ZC3H12B: variants seen among roughly 807,000 people sequenced by gnomAD.
ZC3H12B encodes the protein probable ribonuclease ZC3H12B.
Under a neutral mutation model 43.9 loss-of-function variants are expected in ZC3H12B, and 7 were observed. The ratio of observed to expected loss-of-function variants is 0.16; its 90% CI spans 0.09 to 0.30. The LOEUF (loss-of-function observed/expected upper bound fraction) is 0.30. ZC3H12B is among the 10% of genes least tolerant of loss of function. ZC3H12B has a pLI of 1.00. For missense variants in ZC3H12B, 475 were observed against 670.2 expected (o/e 0.71, Z 3.22); for synonymous variants, 222 against 241.7 (o/e 0.92, Z 0.76).
chrX:65,118,716 A>G, the ZC3H12B span, among the ~76,000 whole-genome samples: 1 of 109,177 alleles, frequency 9.2e-6, no homozygotes, highest in South Asian at 4.1e-4. Flanking sequence ...TTTGTTACAT[A>G]TGTATACATT....
chrX:65,478,245 C>G (rs749580943), intron 3 of ZC3H12B, among the ~76,000 whole-genome samples: 52 of 111,941 alleles, frequency 4.6e-4, no homozygotes, highest in African/African-American at 1.7e-3. Flanking sequence ...CACTTCATTG[C>G]CCAGGCTATA....
At chrX:65,326,898 A>G in the ZC3H12B span, among the ~76,000 whole-genome samples, 2 of 111,748 alleles carry the variant, frequency 1.8e-5, no homozygotes, top group Non-Finnish European at 3.8e-5. Flanking sequence ...CTAATCATTA[A>G]GGACATGCAA....
chrX:65,357,015 T>C, the ZC3H12B span: 7 of 549,061 alleles, frequency 1.3e-5, no homozygotes, highest in Non-Finnish European at 2.3e-5. Context: ...TGTTGTTACC[T>C]GGACCTAAAA....
At chrX:65,131,962 AAAGT>A in the ZC3H12B span, among the ~76,000 whole-genome samples, 14 of 111,580 alleles carry the variant, frequency 1.3e-4, no homozygotes, top group Non-Finnish European at 5.6e-5. Flanking sequence ...GGGTGGAAAG[AAAGT>A]AAATCATGAG....
chrX:65,312,654 A>G, the ZC3H12B span, among the ~76,000 whole-genome samples: 6 of 111,604 alleles, frequency 5.4e-5, no homozygotes, highest in African/African-American at 1.6e-4. Context: ...ACAGTTCTGG[A>G]GAATGGGATG....
chrX:65,473,767 T>G (rs2067957567), intron 3 of ZC3H12B, among the ~76,000 whole-genome samples: 1 of 112,023 alleles, frequency 8.9e-6, no homozygotes, highest in African/African-American at 3.2e-5. Context: ...TATCCTTTTC[T>G]TGTTTCCCAT....
At chrX:65,098,942 G>T in the ZC3H12B span, among the ~76,000 whole-genome samples, 2 of 111,154 alleles carry the variant, frequency 1.8e-5, no homozygotes, top group South Asian at 7.7e-4. Flanking sequence ...CACTCAGCAG[G>T]TCCCACTCCC....
the ZC3H12B span, among the ~76,000 whole-genome samples, chrX:65,129,392 G>GA: frequency 4.6e-5 from 5 of 109,216 alleles, no homozygotes; most frequent in Non-Finnish European, 7.6e-5. Context: ...GGCTGAGCCT[G>GA]AAAAAAGAGT....
chrX:65,416,989 G>T (rs1483597248), intron 3 of ZC3H12B, among the ~76,000 whole-genome samples: 1 of 111,349 alleles, frequency 9.0e-6, no homozygotes, highest in Non-Finnish European at 1.9e-5. Context: ...GTATATCTTG[G>T]GTAGAACTTA....
At chrX:65,144,983 C>T in the ZC3H12B span, among the ~76,000 whole-genome samples, 1 of 111,693 alleles carries the variant, frequency 9.0e-6, no homozygotes, top group South Asian at 3.7e-4. Context: ...TCAGTAAAGT[C>T]CATTTGTTCC....
the ZC3H12B span, among the ~76,000 whole-genome samples, chrX:65,054,088 G>A: frequency 2.7e-5 from 3 of 112,060 alleles, no homozygotes; most frequent in Admixed American, 9.4e-5. Context: ...AATTTCTTTT[G>A]CTGTGCAGAA....
At chrX:65,265,583 A>G in the ZC3H12B span, among the ~76,000 whole-genome samples, 5 of 112,286 alleles carry the variant, frequency 4.5e-5, no homozygotes, top group African/African-American at 1.6e-4. Flanking sequence ...AAATAGGTCT[A>G]TAGACCATTT....
At chrX:65,380,655 A>T (rs2066423388) in intron 2 of ZC3H12B, among the ~76,000 whole-genome samples, 1 of 112,066 alleles carries the variant, frequency 8.9e-6, no homozygotes. Context: ...TAAAAGACAC[A>T]GACTGGCAAA....
At chrX:65,312,050 G>A in the ZC3H12B span, among the ~76,000 whole-genome samples, 1 of 111,166 alleles carries the variant, frequency 9.0e-6, no homozygotes, top group Non-Finnish European at 1.9e-5. Flanking sequence ...TGTAAATGAC[G>A]AGTTAATAGG....
chrX:65,138,861 G>A, the ZC3H12B span, among the ~76,000 whole-genome samples: 1 of 111,997 alleles, frequency 8.9e-6, no homozygotes, highest in Admixed American at 9.4e-5. Context: ...ACCTCTTCAT[G>A]TACCTGTTGG....
intron 3 of ZC3H12B, among the ~76,000 whole-genome samples, chrX:65,441,212 T>C (rs2067296885): frequency 8.9e-6 from 1 of 111,760 alleles, no homozygotes; most frequent in Non-Finnish European, 1.9e-5. Flanking sequence ...GAAGTTATAA[T>C]TGGTTGAATA....
At chrX:65,130,544 T>C in the ZC3H12B span, among the ~76,000 whole-genome samples, 9 of 111,053 alleles carry the variant, frequency 8.1e-5, no homozygotes, top group Admixed American at 3.8e-4. Flanking sequence ...GCCTGAACAA[T>C]CCCTGAGGAG....
chrX:65,115,354 C>A, the ZC3H12B span, among the ~76,000 whole-genome samples: 1 of 110,815 alleles, frequency 9.0e-6, no homozygotes, highest in Non-Finnish European at 1.9e-5. Context: ...GTCTGCACTT[C>A]CATGCAGGTT....
chrX:65,293,034 A>G, the ZC3H12B span, among the ~76,000 whole-genome samples: 4 of 112,351 alleles, frequency 3.6e-5, no homozygotes. Flanking sequence ...AAATACTTTG[A>G]CATGAAGCAA....
Sources: allele counts gnomAD v4.1 joint callset (sites outside exome capture counted in the v4.1 genomes callset), GRCh38; gene constraint gnomAD v4.1.1; transcripts MANE v1.5; gene names NCBI Gene and HGNC (gene_info 2026-07-23, HGNC 2026-07-21).